BTBD7: variants seen among roughly 807,000 people sequenced by gnomAD.
The protein encoded by BTBD7 is BTB domain containing 7.
In BTBD7, 38 loss-of-function variants were observed where a neutral mutation model predicts 99.9. The observed-to-expected ratio is 0.38, with a 90% CI of 0.29 to 0.50. The LOEUF (loss-of-function observed/expected upper bound fraction) is 0.50. Among genes scored for constraint, BTBD7 ranks in the 20% least tolerant of loss-of-function variants. The pLI, the probability that BTBD7 is intolerant of heterozygous loss-of-function variation, is 0.93. For missense variants in BTBD7, 1,170 were observed against 1,394.6 expected, an observed-to-expected ratio of 0.84 and a Z score of 2.57; for synonymous variants, 520 against 511.4, an observed-to-expected ratio of 1.02 and a Z score of -0.23.
intron 1 of BTBD7, among the ~76,000 whole-genome samples, chr14:93,316,403 C>G (rs560703520): frequency 6.6e-6 from 1 of 152,042 alleles, no homozygotes; most frequent in African/African-American, 2.4e-5. Flanking sequence ...GTATGCACCA[C>G]TGTGCCCAGC....
intron 1 of BTBD7, among the ~76,000 whole-genome samples, chr14:93,303,769 C>A (rs1044761682): frequency 6.6e-6 from 1 of 152,166 alleles, no homozygotes; most frequent in South Asian, 2.1e-4. Flanking sequence ...TGACCTACAA[C>A]CTCAGAAGAA....
At chr14:93,265,103 A>G (rs2052527931) in intron 3 of BTBD7, among the ~76,000 whole-genome samples, 1 of 152,172 alleles carries the variant, frequency 6.6e-6, no homozygotes, top group African/African-American at 2.4e-5. Context: ...TCCGTCTCAA[A>G]TAAAATAAAA....
intron 7 of BTBD7, 98 bp downstream of exon 7, chr14:93,253,549 T>C (rs2052391748): frequency 1.8e-6 from 2 of 1,099,880 alleles, no homozygotes; most frequent in Admixed American, 2.6e-5. Context: ...GTTGAAAATA[T>C]AGGCTATTTC....
intron 1 of BTBD7, among the ~76,000 whole-genome samples, chr14:93,305,120 AT>A (rs974934316): frequency 6.6e-6 from 1 of 152,254 alleles, no homozygotes; most frequent in African/African-American, 2.4e-5. Flanking sequence ...ACATAGTAAA[AT>A]TCTATTTTTC....
intron 7 of BTBD7, 140 bp from the exon 8 acceptor site, chr14:93,251,792 G>A: frequency 1.3e-6 from 1 of 756,068 alleles, no homozygotes; most frequent in Admixed American, 4.0e-5. Context: ...AGTGGTGAAA[G>A]AAAGTTCCCC....
At position 93,279,672 on chromosome 14, in the gene BTBD7, C is replaced by T. The variant is rs531696095; in HGVS notation, c.1162+14186G>A. On this transcript the variant is annotated intron_variant, in intron 3 of 10. Transcript: ENST00000334746. ...AAGCGATTCTCCTGCCTCAGCCTCC[C>T]GAGCAGCTGGGATTACAGGTGCCCA... Among the ~76,000 whole-genome samples, 21 of 152,234 alleles carry T rather than the reference C, an allele frequency of 1.4e-4. No individual in the cohort carries two copies. The East Asian group carries it at 3.3e-3, about 24-fold the overall frequency.
chr14:93,239,489 A>T lies in BTBD7; in HGVS notation c.*2784T>A, dbSNP rs2052196675. On this transcript the variant is annotated 3_prime_UTR_variant, in exon 11 of 11. Transcript: ENST00000334746. ...CTGAGAGCAACCTTACTCAGACTTC[A>T]CATTTATCTTAGTACAGCATTAAAA... 6.6e-6 allele frequency: 1 copy of T among 151,386 alleles called. No homozygotes were observed. 9.4% of individuals were successfully genotyped at this position (151,386 alleles called of 1,614,324 possible).
rs2052206342 is a variant in BTBD7 at position 93,240,063 on chromosome 14, C to T, written c.*2210G>A. 1 of 152,200 alleles carries T rather than the reference C, an allele frequency of 6.6e-6. No individual in the cohort carries two copies. Among genetic ancestry groups the T allele is most frequent in the African/African-American group, 2.4e-5 (1 of 41,442 alleles). 9.4% of individuals were successfully genotyped at this position (152,200 alleles called of 1,614,324 possible). On this transcript the variant is annotated 3_prime_UTR_variant, in exon 11 of 11. Transcript: ENST00000334746. ...GACAGAGACTGGGCTTCAAAAGACACCGTCTTCTATTATGAGTCAAACTTC... is the reference window on the plus strand; with the variant it reads ...GACAGAGACTGGGCTTCAAAAGACATCGTCTTCTATTATGAGTCAAACTTC...
chr14:93,257,983 A>T (rs1400768166), intron 5 of BTBD7, among the ~76,000 whole-genome samples: 1 of 150,078 alleles, frequency 6.7e-6, no homozygotes, highest in Non-Finnish European at 1.5e-5. Flanking sequence ...TGATTTCTTC[A>T]TTGGGCATTA....
chr14:93,253,575 T>C (rs914492824), intron 7 of BTBD7, 72 bp downstream of exon 7: 9 of 1,377,676 alleles, frequency 6.5e-6, no homozygotes, highest in Non-Finnish European at 7.9e-6. Context: ...ATTTAAGTAA[T>C]ACTACAGTGA....
At chr14:93,247,308 A>T (rs1162998083) in intron 9 of BTBD7, among the ~76,000 whole-genome samples, 2 of 151,256 alleles carry the variant, frequency 1.3e-5, no homozygotes, top group African/African-American at 4.9e-5. Context: ...GATTACAGCC[A>T]TTGTGTCCAG....
intron 7 of BTBD7, among the ~76,000 whole-genome samples, chr14:93,252,041 G>A (rs2052373652): frequency 6.6e-6 from 1 of 152,158 alleles, no homozygotes; most frequent in Non-Finnish European, 1.5e-5. Context: ...CGGGCGTGGT[G>A]ACTCATGCCT....
At chr14:93,284,346 T>A (rs896763026) in intron 3 of BTBD7, among the ~76,000 whole-genome samples, 4 of 152,324 alleles carry the variant, frequency 2.6e-5, no homozygotes, top group Non-Finnish European at 5.9e-5. Context: ...GTAAACTTAC[T>A]TTTATAAATA....
chr14:93,280,539 T>C (rs1446881736), intron 3 of BTBD7, among the ~76,000 whole-genome samples: 1 of 152,206 alleles, frequency 6.6e-6, no homozygotes, highest in African/African-American at 2.4e-5. Context: ...ATGACATGTA[T>C]AACATTTATC....
chr14:93,244,630 C>G (rs770901397), intron 10 of BTBD7, among the ~76,000 whole-genome samples: 5 of 152,090 alleles, frequency 3.3e-5, no homozygotes, highest in Middle Eastern at 3.2e-3. Context: ...GCCTGGGCAA[C>G]AGAGTGAGAC....
At chr14:93,282,832 G>C (rs189181549) in intron 3 of BTBD7, among the ~76,000 whole-genome samples, 115 of 152,012 alleles carry the variant, frequency 7.6e-4, no homozygotes, top group African/African-American at 2.7e-3. Context: ...CTTGGTGATG[G>C]GAGGCATCAC....
At chr14:93,245,596 G>C (rs909442348) in intron 10 of BTBD7, among the ~76,000 whole-genome samples, 2 of 152,126 alleles carry the variant, frequency 1.3e-5, no homozygotes, top group Non-Finnish European at 2.9e-5. Context: ...AAGATAAGAA[G>C]ATACTCAACT....
chr14:93,244,920 G>T (rs1389586684), intron 10 of BTBD7, among the ~76,000 whole-genome samples: 4 of 120,986 alleles, frequency 3.3e-5, no homozygotes, highest in Non-Finnish European at 6.4e-5. Context: ...GCAGTGGTTT[G>T]ATCACAGCTC....
At chr14:93,303,519 G>A (rs895995213) in intron 1 of BTBD7, among the ~76,000 whole-genome samples, 3 of 152,126 alleles carry the variant, frequency 2.0e-5, no homozygotes, top group Non-Finnish European at 4.4e-5. Flanking sequence ...CCTATCAAAA[G>A]AGAAATGTCT....
Sources: allele counts gnomAD v4.1 joint callset (sites outside exome capture counted in the v4.1 genomes callset), GRCh38; gene constraint gnomAD v4.1.1; transcripts MANE v1.5; gene names NCBI Gene and HGNC (gene_info 2026-07-23, HGNC 2026-07-21).